Variants in REDIC1 observed in about 807,000 individuals in gnomAD.
The protein encoded by REDIC1 is HEI10 Interacting Protein 1.
chr12:39,683,735 G>A, the REDIC1 span, among the ~76,000 whole-genome samples: 2 of 151,502 alleles, frequency 1.3e-5, no homozygotes, highest in South Asian at 4.2e-4. Context: ...TGAGGAAATT[G>A]ATTTAATGTG....
At chr12:39,693,844 G>A in the REDIC1 span, among the ~76,000 whole-genome samples, 1 of 152,104 alleles carries the variant, frequency 6.6e-6, no homozygotes, top group African/African-American at 2.4e-5. Flanking sequence ...AAATATGCTG[G>A]TATTTGATGG....
the REDIC1 span, among the ~76,000 whole-genome samples, chr12:39,822,452 TA>T: frequency 6.6e-6 from 1 of 152,228 alleles, no homozygotes; most frequent in African/African-American, 2.4e-5. Flanking sequence ...TCTAAACTCA[TA>T]TTTACTGTAT....
the REDIC1 span, among the ~76,000 whole-genome samples, chr12:39,896,437 CATAT>C: frequency 1.4e-4 from 17 of 122,950 alleles, no homozygotes; most frequent in African/African-American, 4.3e-4. Flanking sequence ...TATATGTATA[CATAT>C]ATGTATATGT....
At chr12:39,839,548 G>A in the REDIC1 span, among the ~76,000 whole-genome samples, 1 of 151,724 alleles carries the variant, frequency 6.6e-6, no homozygotes, top group East Asian at 1.9e-4. Context: ...ATTATCATTT[G>A]GTGATAAGAT....
At chr12:39,636,972 T>G in the REDIC1 span, among the ~76,000 whole-genome samples, 1 of 152,036 alleles carries the variant, frequency 6.6e-6, no homozygotes, top group Non-Finnish European at 1.5e-5. Context: ...CCTTTAAACC[T>G]TTCCTTACTA....
chr12:39,658,975 G>A, the REDIC1 span, among the ~76,000 whole-genome samples: 11 of 151,970 alleles, frequency 7.2e-5, no homozygotes, highest in African/African-American at 2.4e-4. Context: ...ATTTAAGCAC[G>A]TAGTTGTTAT....
the REDIC1 span, among the ~76,000 whole-genome samples, chr12:39,726,478 C>T: frequency 6.6e-6 from 1 of 152,138 alleles, no homozygotes; most frequent in Admixed American, 6.6e-5. Context: ...CATGTCCCTG[C>T]AAAGGACATG....
the REDIC1 span, among the ~76,000 whole-genome samples, chr12:39,686,760 T>C: frequency 6.6e-6 from 1 of 152,240 alleles, no homozygotes. Context: ...TTCCAAACTT[T>C]TATGCTCTGC....
the REDIC1 span, among the ~76,000 whole-genome samples, chr12:39,901,091 G>C: frequency 6.6e-6 from 1 of 152,128 alleles, no homozygotes; most frequent in African/African-American, 2.4e-5. Context: ...AATGGGGAAA[G>C]GATTCCCTAT....
the REDIC1 span, among the ~76,000 whole-genome samples, chr12:39,896,545 T>TATAC: frequency 7.1e-6 from 1 of 141,586 alleles, no homozygotes; most frequent in South Asian, 2.2e-4. Flanking sequence ...TGTATGTATG[T>TATAC]GTGTATACAT....
the REDIC1 span, among the ~76,000 whole-genome samples, chr12:39,895,989 CAT>C: frequency 3.3e-4 from 48 of 143,356 alleles, no homozygotes; most frequent in East Asian, 2.8e-3. Flanking sequence ...TACATACATT[CAT>C]ATATGTGTAT....
chr12:39,739,200 A>G, the REDIC1 span, among the ~76,000 whole-genome samples: 1 of 152,174 alleles, frequency 6.6e-6, no homozygotes, highest in South Asian at 2.1e-4. Context: ...TCTGTTTACA[A>G]CTACAACTTT....
the REDIC1 span, among the ~76,000 whole-genome samples, chr12:39,805,380 G>A: frequency 1.3e-5 from 2 of 152,098 alleles, no homozygotes; most frequent in Non-Finnish European, 2.9e-5. Context: ...TGGGGTGGCT[G>A]GAGCAGGTGT....
chr12:39,858,510 C>T, the REDIC1 span, among the ~76,000 whole-genome samples: 1 of 152,146 alleles, frequency 6.6e-6, no homozygotes, highest in Non-Finnish European at 1.5e-5. Flanking sequence ...ATTATATTCA[C>T]TGTCAAGATG....
chr12:39,828,675 C>A, the REDIC1 span, among the ~76,000 whole-genome samples: 1 of 150,650 alleles, frequency 6.6e-6, no homozygotes, highest in African/African-American at 2.4e-5. Flanking sequence ...TAACAGATTT[C>A]ATAACATGTT....
the REDIC1 span, among the ~76,000 whole-genome samples, chr12:39,705,396 A>C: frequency 6.6e-6 from 1 of 152,106 alleles, no homozygotes; most frequent in African/African-American, 2.4e-5. Context: ...ACGAAGAACT[A>C]ATACCAGTCC....
At chr12:39,906,121 C>A in the REDIC1 span, among the ~76,000 whole-genome samples, 22 of 16,544 alleles carry the variant, frequency 1.3e-3, no homozygotes, top group East Asian at 0.05. Flanking sequence ...CTAATTCTTG[C>A]AGATACAGAA....
At chr12:39,660,613 T>C in the REDIC1 span, among the ~76,000 whole-genome samples, 1 of 152,138 alleles carries the variant, frequency 6.6e-6, no homozygotes, top group Non-Finnish European at 1.5e-5. Context: ...TCAGGGTATT[T>C]AGGATATCCA....
At chr12:39,697,714 A>G in the REDIC1 span, among the ~76,000 whole-genome samples, 1 of 152,186 alleles carries the variant, frequency 6.6e-6, no homozygotes, top group Non-Finnish European at 1.5e-5. Flanking sequence ...CTAAGATTGT[A>G]TTTCCAAGCC....
Sources: gnomAD v4.1 joint callset for allele counts (sites outside exome capture counted in the v4.1 genomes callset) on GRCh38, gnomAD v4.1.1 for gene constraint, MANE v1.5 for transcripts, NCBI Gene and HGNC (gene_info 2026-07-23, HGNC 2026-07-21) for gene names.